AKAP13: variants seen among roughly 807,000 people sequenced by gnomAD.
The protein encoded by AKAP13 is A-kinase anchoring protein 13.
In AKAP13, 80 loss-of-function variants were observed where a neutral mutation model predicts 264.5. That is an observed-to-expected ratio of 0.30 (90% CI 0.25 to 0.36). The LOEUF (loss-of-function observed/expected upper bound fraction) is 0.36. AKAP13 is among the 10% of genes least tolerant of loss of function. The pLI, the probability that AKAP13 is intolerant of heterozygous loss-of-function variation, is 1.00. For synonymous variants in AKAP13, 1,380 were observed against 1,250.2 expected, an observed-to-expected ratio of 1.10 and a Z score of -2.19; for missense variants, 3,712 against 3,435.2, an observed-to-expected ratio of 1.08 and a Z score of -2.01.
intron 4 of AKAP13, among the ~76,000 whole-genome samples, chr15:85,541,440 T>C (rs1045120544): frequency 2.0e-5 from 3 of 152,188 alleles, no homozygotes; most frequent in African/African-American, 7.2e-5. Flanking sequence ...TATGTGTATG[T>C]TGGAAAAGTT....
At chr15:85,584,370 A>C (rs556499680) in intron 7 of AKAP13, among the ~76,000 whole-genome samples, 86 of 152,276 alleles carry the variant, frequency 5.6e-4, no homozygotes, top group African/African-American at 7.9e-4. Context: ...TGCTGTGCCA[A>C]GATGCATCTT....
intron 1 of AKAP13, among the ~76,000 whole-genome samples, chr15:85,456,131 C>T (rs76107094): frequency 0.023 from 3,505 of 152,274 alleles, 139 homozygotes; most frequent in African/African-American, 0.08. Flanking sequence ...TAGTCCATGG[C>T]ATTTTTCCAA....
chr15:85,455,952 A>G (rs890850601), intron 1 of AKAP13, among the ~76,000 whole-genome samples: 20 of 152,206 alleles, frequency 1.3e-4, no homozygotes, highest in East Asian at 1.9e-4. Flanking sequence ...TATTTATTCT[A>G]TGTTATGTAC....
chr15:85,728,591 C>T (rs749997777), intron 29 of AKAP13, among the ~76,000 whole-genome samples: 1 of 152,200 alleles, frequency 6.6e-6, no homozygotes, highest in African/African-American at 2.4e-5. Context: ...TATTAGACCA[C>T]AGGCACAATT....
intron 1 of AKAP13, among the ~76,000 whole-genome samples, chr15:85,468,908 G>A (rs981505871): frequency 6.7e-6 from 1 of 148,306 alleles, no homozygotes; most frequent in Non-Finnish European, 1.5e-5. Context: ...GCCCTTATTA[G>A]GTGTGTAAAT....
intron 7 of AKAP13, among the ~76,000 whole-genome samples, chr15:85,585,175 TGA>T (rs1442169660): frequency 6.6e-6 from 1 of 152,232 alleles, no homozygotes; most frequent in Non-Finnish European, 1.5e-5. Flanking sequence ...ACGTAACTGC[TGA>T]GTAGTTCATT....
intron 10 of AKAP13, among the ~76,000 whole-genome samples, chr15:85,648,728 A>C (rs974815901): frequency 6.6e-6 from 1 of 152,118 alleles, no homozygotes; most frequent in African/African-American, 2.4e-5. Context: ...GGTCCCAGCT[A>C]TTCAGGAGGC....
Position 85,708,070 on chromosome 15 carries a change from C to G in AKAP13, c.5516C>G (p.Ala1839Gly). 3 of 1,613,722 alleles carry G rather than the reference C, an allele frequency of 1.9e-6. No homozygotes were observed. The highest frequency in any genetic ancestry group is 2.5e-6 in the Non-Finnish European group (3 of 1,179,772). The change falls in exon 18 of 37, where the codon GCA (alanine) becomes GGA (glycine). Residue 1839 changes from alanine to glycine, a missense_variant. Around this residue, in one of 3 missense-constraint regions of AKAP13, gnomAD observed 2,759 missense variants for 2,411.7 expected, o/e 1.14. Coordinates refer to ENST00000394518, the MANE Select transcript of AKAP13 (RefSeq NM_007200.5). This position sits in a 1 kb window ranked among gnomAD's most constrained non-coding sequence, Gnocchi z 4.3. The part of the protein sequence containing the change: ...KGCRESLASC[A>G]KVKMKQPKGS... ...TGCCGAGAAAGTCTAGCCTCCTGTG[C>G]AAAGGTCAAAATGAAGGTAAGACTT...
intron 12 of AKAP13, among the ~76,000 whole-genome samples, chr15:85,659,059 G>A (rs2083223827): frequency 6.6e-6 from 1 of 152,100 alleles, no homozygotes; most frequent in Non-Finnish European, 1.5e-5. Context: ...TTATTACTAG[G>A]CCACCTGGCA....
intron 2 of AKAP13, among the ~76,000 whole-genome samples, chr15:85,501,831 G>C (rs1314967326): frequency 6.6e-6 from 1 of 152,186 alleles, no homozygotes; most frequent in East Asian, 1.9e-4. Flanking sequence ...ACCCTGCATG[G>C]TGTAGGGAAG....
chr15:85,422,912 T>G (rs925359449), intron 1 of AKAP13, among the ~76,000 whole-genome samples: 1 of 152,258 alleles, frequency 6.6e-6, no homozygotes, highest in African/African-American at 2.4e-5. Flanking sequence ...GGTTTCAGAC[T>G]ACTGGAATAA....
chr15:85,669,849 A>T lies in AKAP13; in HGVS notation c.5101+19A>T, dbSNP rs569014453. ...TTGGACAGTGAGTATACTACTTTTT[A>T]AAAAAATTAAATATATTAAATCTTA... On this transcript the variant is annotated intron_variant, in intron 14 of 36. Coordinates refer to ENST00000394518, the MANE Select transcript of AKAP13 (RefSeq NM_007200.5). 32 of 1,509,234 alleles carry T rather than the reference A, an allele frequency of 2.1e-5. No individual in the cohort carries two copies. Among genetic ancestry groups the T allele is most frequent in the African/African-American group, 7.0e-5 (5 of 71,788 alleles). The allele number at this position is 1,509,234 out of a possible 1,614,324, so 93.5% of individuals were successfully genotyped here. A position where few individuals can be genotyped will look rare whatever the true frequency, so the allele number is the denominator to read the frequency against.
At chr15:85,476,373 C>T (rs760509017) in intron 1 of AKAP13, among the ~76,000 whole-genome samples, 1 of 152,158 alleles carries the variant, frequency 6.6e-6, no homozygotes, top group Non-Finnish European at 1.5e-5. Flanking sequence ...TCCTCACCAT[C>T]ACCTTTTATT....
rs780591386 is a variant in AKAP13, at chr15:85,580,570, G to T, written c.2502G>T (p.Glu834Asp). 10 of 1,614,082 alleles carry T rather than the reference G, an allele frequency of 6.2e-6. No homozygotes were observed. Among genetic ancestry groups the T allele is most frequent in the South Asian group, 1.1e-5 (1 of 91,086 alleles). The change falls in exon 7 of 37, where the codon GAG (glutamate) becomes GAT (aspartate). Residue 834 changes from glutamate (E) to aspartate (D), a missense_variant. Physicochemically the swap from Glu to Asp is conservative, Grantham distance 45. Coordinates refer to ENST00000394518, the MANE Select transcript of AKAP13 (RefSeq NM_007200.5). The part of the protein sequence containing the change: ...YRDGPDGNSN[E>D]PDTRPLEDRA... ...ATGGCCCAGATGGAAATTCGAATGA[G>T]CCTGATACGCGGCCACTAGAAGACA...
At chr15:85,660,376 AAAAG>A (rs2083290048) in intron 12 of AKAP13, among the ~76,000 whole-genome samples, 1 of 136,704 alleles carries the variant, frequency 7.3e-6, no homozygotes, top group African/African-American at 2.7e-5. Flanking sequence ...AAAAAAAAAA[AAAAG>A]CTTTTATGTC....
intron 2 of AKAP13, among the ~76,000 whole-genome samples, chr15:85,514,707 T>C (rs1424119270): frequency 1.4e-5 from 2 of 138,266 alleles, no homozygotes; most frequent in Non-Finnish European, 3.1e-5. Context: ...AAGTTGTAGC[T>C]ACCTGTCAGT....
Position 85,579,297 on chromosome 15 carries a change from A to G in AKAP13, c.1229A>G (p.Lys410Arg), listed in dbSNP as rs747772241. Residue 410 changes from lysine to arginine, a missense_variant, in exon 7 of 37, where the codon AAG becomes AGG. By Grantham distance (26) the Lys-to-Arg change is conservative. Coordinates refer to ENST00000394518, the MANE Select transcript of AKAP13 (RefSeq NM_007200.5). ...CLQSLPDCGV[K>R]GTEGLSSCGN... ...CAGAGCTTGCCTGATTGTGGAGTAAAGGGCACGGAAGGCCTTTCGTCCTGT... is the reference window on the plus strand; with the variant it reads ...CAGAGCTTGCCTGATTGTGGAGTAAGGGGCACGGAAGGCCTTTCGTCCTGT... 6.2e-6 allele frequency: 10 copies of G among 1,614,086 alleles called. No homozygotes were observed. Among genetic ancestry groups the G allele is most frequent in the Middle Eastern group, 1.6e-4 (1 of 6,084 alleles).
Position 85,515,444 on chromosome 15 carries a change from C to T in AKAP13, c.34-5984C>T, listed in dbSNP as rs558340275. Among the ~76,000 whole-genome samples, 26 of 138,688 alleles carry T rather than the reference C, an allele frequency of 1.9e-4. 4 individuals are homozygous for T. Among genetic ancestry groups the T allele is most frequent in the African/African-American group, 6.1e-4 (21 of 34,630 alleles). The allele number at this position is 138,688 out of a possible 152,430, so 91.0% of individuals were successfully genotyped here. ...GAACAAAGGTGTTCTTTCATAACCA[C>T]GGCACAATACCAAAACCAGGAATTT... On this transcript the variant is annotated intron_variant, in intron 2 of 36. Transcript: ENST00000394518.
intron 2 of AKAP13, among the ~76,000 whole-genome samples, chr15:85,518,511 T>C (rs528361807): frequency 2.0e-5 from 3 of 152,242 alleles, no homozygotes; most frequent in Admixed American, 2.0e-4. Flanking sequence ...GACTTAATAT[T>C]AAAAACAAAC....
Sources: gnomAD v4.1 joint callset for allele counts (sites outside exome capture counted in the v4.1 genomes callset) on GRCh38, gnomAD v4.1.1 for gene constraint, gnomAD v4.1.1 regional missense constraint, Gnocchi (gnomAD v3.1) non-coding constraint, MANE v1.5 for transcripts, NCBI Gene and HGNC (gene_info 2026-07-23, HGNC 2026-07-21) for gene names.